ZHX2: variants seen among roughly 807,000 people sequenced by gnomAD.
ZHX2 encodes zinc fingers and homeoboxes protein 2.
ZHX2 carries 6 observed loss-of-function variants against 21.9 expected under a neutral mutation model. That is an observed-to-expected ratio of 0.27 (90% CI 0.15 to 0.54). ZHX2 has a LOEUF of 0.54. Ranked by LOEUF, ZHX2 falls within the 20% of genes least tolerant of loss-of-function variation. ZHX2 has a pLI of 0.95. For synonymous variants in ZHX2, 434 were observed against 437.1 expected (o/e 0.99, Z 0.09); for missense variants, 908 against 1,090.7 (o/e 0.83, Z 2.36).
chr8:122,972,901 T>C (rs1262897911), intron 3 of ZHX2, among the ~76,000 whole-genome samples: 4 of 152,160 alleles, frequency 2.6e-5, no homozygotes, highest in Admixed American at 1.3e-4. Context: ...TAGGAGCCAC[T>C]GGGACTGGTT....
intron 1 of ZHX2, among the ~76,000 whole-genome samples, chr8:122,834,077 T>TC (rs2130685596): frequency 6.6e-6 from 1 of 151,842 alleles, no homozygotes; most frequent in African/African-American, 2.4e-5. Context: ...TGGAGACTTG[T>TC]CCCTCAATTC....
rs577997370 is a variant in ZHX2 at position 122,839,374 on chromosome 8, C to T, written c.-282-24103C>T. ...TATATTTTTAGCTGGTACAGCCTCT[C>T]GGGCCCAGTGACTTCCATGTGTTTT... is the stretch of plus-strand genomic sequence containing the variant. On this transcript the variant is annotated intron_variant, in intron 1 of 3. Transcript: ENST00000314393. 1.4e-4 allele frequency among the ~76,000 whole-genome samples: 21 copies of T among 152,292 alleles called. 1 individual carries two copies. The East Asian group carries it at 3.7e-3, about 27-fold the overall frequency.
At chr8:122,925,110 GAC>G (rs1820820580) in intron 2 of ZHX2, among the ~76,000 whole-genome samples, 2 of 152,198 alleles carry the variant, frequency 1.3e-5, no homozygotes, top group Admixed American at 1.3e-4. Flanking sequence ...GCATCAGCCT[GAC>G]TTCTCAGCAT....
chr8:122,847,985 C>T (rs1231392126), intron 1 of ZHX2, among the ~76,000 whole-genome samples: 1 of 152,180 alleles, frequency 6.6e-6, no homozygotes, highest in African/African-American at 2.4e-5. Flanking sequence ...GCCTTCCAAA[C>T]TCATCTTGGA....
Position 122,886,315 on chromosome 8 carries a change from G to T in ZHX2, c.-220+22776G>T, listed in dbSNP as rs1190681878. 2.0e-5 allele frequency among the ~76,000 whole-genome samples: 3 copies of T among 152,230 alleles called. No homozygotes were observed. The East Asian group carries it at 5.8e-4, about 29-fold the overall frequency. ...GACAGTAAAAAGATCAGTGTTGCCA[G>T]GAGTTCAGGGGGAGGTATGAATAGA... is the stretch of plus-strand genomic sequence containing the variant. On this transcript the variant is annotated intron_variant, in intron 2 of 3. Transcript: ENST00000314393.
intron 2 of ZHX2, among the ~76,000 whole-genome samples, chr8:122,923,886 G>C (rs564869069): frequency 6.6e-6 from 1 of 152,252 alleles, no homozygotes; most frequent in African/African-American, 2.4e-5. Flanking sequence ...CCACCCCTCA[G>C]CTTCTCAAGT....
chr8:122,895,802 T>C (rs1296109956), intron 2 of ZHX2, among the ~76,000 whole-genome samples: 1 of 151,700 alleles, frequency 6.6e-6, no homozygotes, highest in East Asian at 1.9e-4. Context: ...ATTCTGCTAT[T>C]GAACCATCAG....
intron 2 of ZHX2, among the ~76,000 whole-genome samples, chr8:122,893,371 T>G (rs1243218640): frequency 6.6e-6 from 1 of 152,212 alleles, no homozygotes; most frequent in Non-Finnish European, 1.5e-5. Flanking sequence ...TCCCAAGACT[T>G]GGGAAGTTTT....
chr8:122,911,426 T>G (rs1225843459), intron 2 of ZHX2, among the ~76,000 whole-genome samples: 2 of 151,924 alleles, frequency 1.3e-5, no homozygotes, highest in Admixed American at 1.3e-4. Context: ...TGCTTCCCCT[T>G]CTCTCCTCCC....
chr8:122,817,547 T>G (rs758051751), intron 1 of ZHX2, among the ~76,000 whole-genome samples: 50 of 152,142 alleles, frequency 3.3e-4, no homozygotes, highest in Admixed American at 6.5e-4. Context: ...CAAAGAGGGT[T>G]TCAGAGGGCC....
At chr8:122,962,236 T>C (rs1191428795) in intron 3 of ZHX2, among the ~76,000 whole-genome samples, 1 of 152,206 alleles carries the variant, frequency 6.6e-6, no homozygotes, top group Non-Finnish European at 1.5e-5. Context: ...CCGAGCAGTG[T>C]ACACTGCACC....
At chr8:122,833,518 G>T (rs1043958948) in intron 1 of ZHX2, among the ~76,000 whole-genome samples, 1 of 152,164 alleles carries the variant, frequency 6.6e-6, no homozygotes, top group Non-Finnish European at 1.5e-5. Flanking sequence ...ACTACGGGCG[G>T]CGGATAAGGA....
At chr8:122,948,383 G>A (rs953540970) in intron 2 of ZHX2, among the ~76,000 whole-genome samples, 12 of 152,064 alleles carry the variant, frequency 7.9e-5, no homozygotes, top group African/African-American at 2.9e-4. Context: ...TCTCGGTTCT[G>A]GGTTCTGTTA....
intron 2 of ZHX2, among the ~76,000 whole-genome samples, chr8:122,871,597 C>T (rs893880780): frequency 1.7e-4 from 25 of 151,056 alleles, no homozygotes; most frequent in African/African-American, 5.6e-4. Context: ...TTAATGGGTA[C>T]AGCACACCAA....
chr8:122,955,300 G>A (rs1272891351), intron 3 of ZHX2, among the ~76,000 whole-genome samples: 1 of 152,126 alleles, frequency 6.6e-6, no homozygotes, highest in Non-Finnish European at 1.5e-5. Flanking sequence ...GATTTGCCCA[G>A]GTAGGCTTCT....
chr8:122,909,283 A>G (rs1049279460), intron 2 of ZHX2, among the ~76,000 whole-genome samples: 9 of 152,028 alleles, frequency 5.9e-5, no homozygotes, highest in Admixed American at 1.3e-4. Flanking sequence ...AATACAAAAA[A>G]TTAGCCAGGC....
At chr8:122,813,926 A>C (rs903034451) in intron 1 of ZHX2, among the ~76,000 whole-genome samples, 5 of 152,216 alleles carry the variant, frequency 3.3e-5, no homozygotes, top group Non-Finnish European at 7.4e-5. Context: ...TCATTACATC[A>C]TTCAGTCCTC....
At chr8:122,922,916 A>T (rs1820772205) in intron 2 of ZHX2, among the ~76,000 whole-genome samples, 1 of 152,214 alleles carries the variant, frequency 6.6e-6, no homozygotes, top group Non-Finnish European at 1.5e-5. Context: ...CACATTTTCC[A>T]TCTGCCCGGT....
chr8:122,951,976 A>G lies in ZHX2; in HGVS notation c.466A>G (p.Ile156Val), dbSNP rs1274210016. 7 of 1,613,880 alleles carry G rather than the reference A, an allele frequency of 4.3e-6. No homozygotes were observed. Among genetic ancestry groups the G allele is most frequent in the Non-Finnish European group, 5.9e-6 (7 of 1,180,016 alleles). Residue 156 changes from isoleucine to valine, a missense_variant, in exon 3 of 4, where the codon ATC becomes GTC. Ile to Val is a conservative substitution (Grantham distance 29, BLOSUM62 3). This residue lies in a region of ZHX2 where 220 missense variants were observed against 251.4 expected (regional missense o/e 0.88). Coordinates refer to ENST00000314393, the MANE Select transcript of ZHX2 (RefSeq NM_014943.5). ...TAATCAAACTGTCTTGGAACAGTCC[A>G]TCGAAACCACCAACCATGTCGTGTC... The part of the protein sequence containing the change: ...RNNQTVLEQS[I>V]ETTNHVVSIT...
Sources: gnomAD v4.1 joint callset for allele counts (sites outside exome capture counted in the v4.1 genomes callset) on GRCh38, gnomAD v4.1.1 for gene constraint, gnomAD v4.1.1 regional missense constraint, MANE v1.5 for transcripts, NCBI Gene and HGNC (gene_info 2026-07-23, HGNC 2026-07-21) for gene names.